The following NTRK2 variants were observed in gnomAD, a reference collection of about 807,000 sequenced individuals.
NTRK2 encodes the protein neurotrophic receptor tyrosine kinase 2.
A neutral mutation model predicts 94.5 loss-of-function variants in NTRK2; 13 were observed. The ratio of observed to expected loss-of-function variants is 0.14; its 90% CI spans 0.09 to 0.22. The LOEUF is 0.22. Ranked by LOEUF, NTRK2 falls within the 10% of genes least tolerant of loss-of-function variation. The pLI, the probability that NTRK2 is intolerant of heterozygous loss-of-function variation, is 1.00. For missense variants in NTRK2, 639 were observed against 1,071.2 expected (o/e 0.60, Z 5.63); for synonymous variants, 372 against 407.4 (o/e 0.91, Z 1.05).
chr9:84,756,721 C>T (rs569300125), intron 12 of NTRK2, among the ~76,000 whole-genome samples: 23 of 152,314 alleles, frequency 1.5e-4, no homozygotes, highest in African/African-American at 5.1e-4. Context: ...CAGATTTCCT[C>T]TGCAGCCTCT....
At chr9:84,731,835 A>G (rs1397771259) in intron 9 of NTRK2, among the ~76,000 whole-genome samples, 2 of 152,146 alleles carry the variant, frequency 1.3e-5, no homozygotes, top group Non-Finnish European at 2.9e-5. Flanking sequence ...GTATCTTGAG[A>G]GTGCTGGGCC....
chr9:84,728,871 G>T (rs1048223889), intron 9 of NTRK2, among the ~76,000 whole-genome samples: 1 of 152,240 alleles, frequency 6.6e-6, no homozygotes, highest in African/African-American at 2.4e-5. Context: ...CTGTCCTTCA[G>T]TGGAGTGTTC....
At chr9:84,832,112 G>A (rs1471336067) in intron 12 of NTRK2, among the ~76,000 whole-genome samples, 1 of 152,164 alleles carries the variant, frequency 6.6e-6, no homozygotes, top group Non-Finnish European at 1.5e-5. Flanking sequence ...ATCTGATGAA[G>A]CTTAATATTC....
chr9:84,827,480 A>G lies in NTRK2; in HGVS notation c.1397-33560A>G, dbSNP rs185574638. Among the ~76,000 whole-genome samples, 178 of 152,260 alleles carry G rather than the reference A, an allele frequency of 1.2e-3. 1 individual carries two copies. The highest frequency in any genetic ancestry group is 4.1e-3 in the African/African-American group (172 of 41,538). Reference sequence around the variant, plus strand: ...ATCTAGGGCTTTTTGCTGCCAAATCATCTGCTTTTTAAAGAGAAGAAGCCA... The same window carrying G: ...ATCTAGGGCTTTTTGCTGCCAAATCGTCTGCTTTTTAAAGAGAAGAAGCCA... On this transcript the variant is annotated intron_variant, in intron 12 of 18. Coordinates refer to ENST00000277120, the MANE Select transcript of NTRK2 (RefSeq NM_006180.6).
chr9:84,790,404 A>C (rs911157932), intron 12 of NTRK2, among the ~76,000 whole-genome samples: 11 of 152,322 alleles, frequency 7.2e-5, no homozygotes, highest in Admixed American at 7.2e-4. Context: ...CATTTTGACA[A>C]GAGAAATTTT....
intron 12 of NTRK2, among the ~76,000 whole-genome samples, chr9:84,800,760 C>T (rs934828015): frequency 6.6e-5 from 10 of 152,122 alleles, no homozygotes; most frequent in African/African-American, 2.4e-4. Context: ...TCTTACCTCC[C>T]GAGAGGGGTC....
At chr9:84,871,810 C>T in intron 14 of NTRK2, 1 of 1,613,706 alleles carries the variant, frequency 6.2e-7, no homozygotes, top group South Asian at 1.1e-5. Context: ...TCCCCCAAGA[C>T]CGCCTGATAA....
intron 2 of NTRK2, among the ~76,000 whole-genome samples, chr9:84,692,981 T>C (rs1051552867): frequency 1.3e-5 from 2 of 152,206 alleles, no homozygotes; most frequent in Admixed American, 6.5e-5. Flanking sequence ...ATGGAACCAA[T>C]TGGAAATGTG....
At chr9:84,707,630 A>T (rs548737146) in intron 4 of NTRK2, among the ~76,000 whole-genome samples, 1 of 152,312 alleles carries the variant, frequency 6.6e-6, no homozygotes, top group East Asian at 1.9e-4. Flanking sequence ...CAATATATTT[A>T]TGCTACCCCT....
intron 14 of NTRK2, among the ~76,000 whole-genome samples, chr9:84,920,459 C>T: frequency 6.6e-6 from 1 of 152,098 alleles, no homozygotes; most frequent in East Asian, 1.9e-4. Flanking sequence ...CAGTGCACAC[C>T]ACTCATCCAG....
chr9:84,948,500 C>T lies in NTRK2; in HGVS notation c.1803C>T (p.Phe601=), dbSNP rs2132882203. ...KDASDNARKD[F]HREAELLTNL... Reference sequence around the variant, plus strand: ...CCAGTGACAATGCACGCAAGGACTTCCACCGTGAGGCCGAGCTCCTGACCA... The same window carrying T: ...CCAGTGACAATGCACGCAAGGACTTTCACCGTGAGGCCGAGCTCCTGACCA... The change falls in exon 16 of 19, where the codon TTC becomes TTT. Residue 601 remains phenylalanine, a synonymous_variant. Transcript: ENST00000277120. The T allele has an allele frequency of 6.2e-7, 1 of 1,614,208 alleles. No individual in the cohort carries two copies. The highest frequency in any genetic ancestry group is 8.5e-7 in the Non-Finnish European group (1 of 1,180,038).
intron 14 of NTRK2, among the ~76,000 whole-genome samples, chr9:84,882,094 C>A (rs1447535584): frequency 6.6e-6 from 1 of 152,108 alleles, no homozygotes; most frequent in Non-Finnish European, 1.5e-5. Context: ...AGGAGTTGAA[C>A]CTAGATACCC....
At chr9:84,772,258 AT>A (rs534765823) in intron 12 of NTRK2, among the ~76,000 whole-genome samples, 35 of 149,210 alleles carry the variant, frequency 2.3e-4, no homozygotes, top group South Asian at 8.5e-4. Context: ...CCTATAAACA[AT>A]TTTTTTTTTT....
chr9:84,938,696 G>A (rs1326645030), intron 15 of NTRK2, among the ~76,000 whole-genome samples: 4 of 152,256 alleles, frequency 2.6e-5, no homozygotes, highest in African/African-American at 7.2e-5. Flanking sequence ...AATGAATGAA[G>A]GGATGGATGG....
chr9:84,945,718 C>T (rs2078576894), intron 15 of NTRK2, among the ~76,000 whole-genome samples: 1 of 152,164 alleles, frequency 6.6e-6, no homozygotes, highest in African/African-American at 2.4e-5. Context: ...CAGGTTCCGG[C>T]CACTGTTCAT....
chr9:84,695,920 T>C (rs2060348842), intron 2 of NTRK2, among the ~76,000 whole-genome samples: 1 of 152,228 alleles, frequency 6.6e-6, no homozygotes, highest in Admixed American at 6.5e-5. Context: ...AAAGAATTGC[T>C]GGATTTGAAG....
chr9:84,787,302 CAAACAAACAAACAAACA>C (rs1187127696), intron 12 of NTRK2, among the ~76,000 whole-genome samples: 3 of 151,302 alleles, frequency 2.0e-5, no homozygotes, highest in Admixed American at 6.6e-5. Context: ...CCGTCTAAAA[CAAACAAACAAACAAACA>C]AAACAAACAA....
chr9:84,949,847 CA>C (rs1444711909), intron 16 of NTRK2, among the ~76,000 whole-genome samples: 1 of 152,168 alleles, frequency 6.6e-6, no homozygotes, highest in Admixed American at 6.5e-5. Flanking sequence ...GGAGGAACCA[CA>C]AGATAGAGCA....
chr9:84,931,743 A>G (rs2078042994), intron 14 of NTRK2, among the ~76,000 whole-genome samples: 1 of 151,368 alleles, frequency 6.6e-6, no homozygotes, highest in Non-Finnish European at 1.5e-5. Flanking sequence ...AAAAAAACCA[A>G]CGTTAAATAC....
Sources: allele counts gnomAD v4.1 joint callset (sites outside exome capture counted in the v4.1 genomes callset), GRCh38; gene constraint gnomAD v4.1.1; transcripts MANE v1.5; gene names NCBI Gene and HGNC (gene_info 2026-07-23, HGNC 2026-07-21).